Variants in PITPNC1 observed in about 807,000 individuals in gnomAD.
PITPNC1 encodes cytoplasmic phosphatidylinositol transfer protein 1.
In PITPNC1, 18 loss-of-function variants were observed where a neutral mutation model predicts 44.7. That is an observed-to-expected ratio of 0.40 (90% CI 0.28 to 0.60). The LOEUF (loss-of-function observed/expected upper bound fraction) is 0.60. PITPNC1 is among the 20% of genes least tolerant of loss of function. The pLI is 0.39. For missense variants in PITPNC1, 290 were observed against 418.4 expected, an observed-to-expected ratio of 0.69 and a Z score of 2.68; for synonymous variants, 141 against 149.6, an observed-to-expected ratio of 0.94 and a Z score of 0.42.
chr17:67,559,238 A>G (rs942537473), intron 4 of PITPNC1, among the ~76,000 whole-genome samples: 1 of 152,148 alleles, frequency 6.6e-6, no homozygotes, highest in African/African-American at 2.4e-5. Flanking sequence ...AACTAGGAAC[A>G]CAGGAACAAG....
chr17:67,656,680 C>T (rs967748789), intron 6 of PITPNC1, among the ~76,000 whole-genome samples: 1 of 152,152 alleles, frequency 6.6e-6, no homozygotes, highest in South Asian at 2.1e-4. Context: ...AGCCTTATGA[C>T]GTTTTATAAT....
chr17:67,644,574 AC>A (rs1567756172), intron 6 of PITPNC1, among the ~76,000 whole-genome samples: 1 of 151,924 alleles, frequency 6.6e-6, no homozygotes, highest in Non-Finnish European at 1.5e-5. Flanking sequence ...AGCTGGGACT[AC>A]AGGTGCACGC....
At chr17:67,424,572 G>T (rs2038717583) in intron 1 of PITPNC1, among the ~76,000 whole-genome samples, 1 of 151,978 alleles carries the variant, frequency 6.6e-6, no homozygotes, top group African/African-American at 2.4e-5. Context: ...CAGAGGAATC[G>T]CCTGAACCTG....
chr17:67,523,804 A>C (rs1598776303), intron 1 of PITPNC1, among the ~76,000 whole-genome samples: 7 of 108,372 alleles, frequency 6.5e-5, no homozygotes, highest in South Asian at 3.1e-4. Context: ...ATACATGGAA[A>C]CCGTTTTTTT....
chr17:67,505,943 G>A (rs1217145909), intron 1 of PITPNC1, among the ~76,000 whole-genome samples: 1 of 152,098 alleles, frequency 6.6e-6, no homozygotes, highest in Non-Finnish European at 1.5e-5. Context: ...CCTCTACCTG[G>A]ATTGCACTGG....
chr17:67,485,114 C>T (rs948553913), intron 1 of PITPNC1, among the ~76,000 whole-genome samples: 1 of 152,036 alleles, frequency 6.6e-6, no homozygotes, highest in South Asian at 2.1e-4. Context: ...AGGATTTGAA[C>T]CTGGGCAGTG....
At chr17:67,687,246 G>A in intron 8 of PITPNC1, 1 of 885,688 alleles carries the variant, frequency 1.1e-6, no homozygotes. Flanking sequence ...AAACTGATCT[G>A]GGAAATACTG....
intron 1 of PITPNC1, among the ~76,000 whole-genome samples, chr17:67,421,137 T>C (rs760005703): frequency 1.6e-4 from 24 of 152,152 alleles, no homozygotes; most frequent in Non-Finnish European, 3.2e-4. Context: ...TTCTTCTTGA[T>C]GGTGCTAGTG....
intron 6 of PITPNC1, among the ~76,000 whole-genome samples, chr17:67,633,788 C>T (rs980699787): frequency 5.3e-5 from 8 of 152,234 alleles, no homozygotes; most frequent in African/African-American, 1.7e-4. Context: ...ACTCCTGTGA[C>T]GCCTCGGGCC....
At chr17:67,618,608 G>A (rs1378677011) in intron 5 of PITPNC1, among the ~76,000 whole-genome samples, 1 of 151,706 alleles carries the variant, frequency 6.6e-6, no homozygotes, top group African/African-American at 2.4e-5. Flanking sequence ...AAACTTAGCT[G>A]GGTGTGTTGG....
At chr17:67,638,300 G>A (rs2042056138) in intron 6 of PITPNC1, 1 of 152,270 alleles carries the variant, frequency 6.6e-6, no homozygotes, top group African/African-American at 2.4e-5. Flanking sequence ...CCAGGCTGGA[G>A]AATCTGAAAG....
chr17:67,521,581 T>C (rs1236483603), intron 1 of PITPNC1, among the ~76,000 whole-genome samples: 1 of 152,136 alleles, frequency 6.6e-6, no homozygotes, highest in African/African-American at 2.4e-5. Flanking sequence ...TTTTTGTTAT[T>C]ATTTTTTAAC....
chr17:67,409,590 G>A (rs559846125), intron 1 of PITPNC1, among the ~76,000 whole-genome samples: 2 of 151,656 alleles, frequency 1.3e-5, no homozygotes, highest in African/African-American at 4.8e-5. Context: ...CCAGGTTGGA[G>A]TGCAGTGGCG....
chr17:67,513,457 A>C (rs1280541711), intron 1 of PITPNC1, among the ~76,000 whole-genome samples: 1 of 144,518 alleles, frequency 6.9e-6, no homozygotes, highest in East Asian at 2.0e-4. Flanking sequence ...GTATATATAC[A>C]TATACTATAT....
intron 4 of PITPNC1, among the ~76,000 whole-genome samples, chr17:67,569,665 CAGCAACACCTA>C (rs1460734099): frequency 6.6e-6 from 1 of 152,146 alleles, no homozygotes; most frequent in Non-Finnish European, 1.5e-5. Flanking sequence ...GAGCAGATGG[CAGCAACACCTA>C]TAAGATTCCT....
At chr17:67,521,302 A>G (rs1278939066) in intron 1 of PITPNC1, among the ~76,000 whole-genome samples, 2 of 152,222 alleles carry the variant, frequency 1.3e-5, no homozygotes, top group Non-Finnish European at 2.9e-5. Context: ...TTTGAATTAA[A>G]TGTTGATAAC....
At chr17:67,463,190 A>T (rs201289002) in intron 1 of PITPNC1, among the ~76,000 whole-genome samples, 1 of 4,358 alleles carries the variant, frequency 2.3e-4, no homozygotes, top group East Asian at 6.8e-4. Flanking sequence ...CAGACTTATA[A>T]ATACTTCTGC....
At chr17:67,599,028 ATATATATTTTTTTTTTT>A (rs2041503451) in intron 5 of PITPNC1, among the ~76,000 whole-genome samples, 1 of 32,644 alleles carries the variant, frequency 3.1e-5, no homozygotes, top group South Asian at 1.3e-3. Context: ...ATATATATAT[ATATATATTTTTTTTTTT>A]TTTTTTTTTA....
chr17:67,431,513 C>T lies in PITPNC1; in HGVS notation c.48+53311C>T, dbSNP rs1055680469. Among the ~76,000 whole-genome samples, 52 of 152,170 alleles carry T rather than the reference C, an allele frequency of 3.4e-4. 1 individual carries two copies. Among genetic ancestry groups the T allele is most frequent in the African/African-American group, 1.2e-3 (49 of 41,428 alleles). ...AATTAGAAAATATTCCTTGATAGTACAATGAGTTTGCAGTTTTTAAGTTGT... is the reference window on the plus strand; with the variant it reads ...AATTAGAAAATATTCCTTGATAGTATAATGAGTTTGCAGTTTTTAAGTTGT... On this transcript the variant is annotated intron_variant, in intron 1 of 8. Transcript: ENST00000581322.
Sources: allele counts gnomAD v4.1 joint callset (sites outside exome capture counted in the v4.1 genomes callset), GRCh38; gene constraint gnomAD v4.1.1; transcripts MANE v1.5; gene names NCBI Gene and HGNC (gene_info 2026-07-23, HGNC 2026-07-21).